FGL1: variants seen among roughly 807,000 people sequenced by gnomAD.
FGL1 encodes fibrinogen like 1.
A neutral mutation model predicts 43.7 loss-of-function variants in FGL1; 59 were observed. The ratio of observed to expected loss-of-function variants is 1.35; its 90% confidence interval spans 1.10 to 1.68. FGL1 has a LOEUF of 1.68. FGL1 is among the 40% of genes most tolerant of loss of function. The probability of loss-of-function intolerance (pLI) is 0.00; values close to 1 mark genes in which losing one functional copy is unlikely to be tolerated. For synonymous variants in FGL1, 192 were observed against 126.5 expected, an observed-to-expected ratio of 1.52 and a Z score of -3.48; for missense variants, 596 against 373.0, an observed-to-expected ratio of 1.60 and a Z score of -4.92.
At chr8:17,870,568 G>A (rs981646922) in intron 5 of FGL1, among the ~76,000 whole-genome samples, 1 of 152,120 alleles carries the variant, frequency 6.6e-6, no homozygotes. Flanking sequence ...CCCATCTCTG[G>A]TTGGCCTCTT....
At chr8:17,885,190 G>A (rs574704195) in intron 2 of FGL1, among the ~76,000 whole-genome samples, 1 of 152,052 alleles carries the variant, frequency 6.6e-6, no homozygotes, top group South Asian at 2.1e-4. Context: ...ACAGATGCGT[G>A]CCATCACGCC....
chr8:17,894,241 T>C (rs2053745698), intron 1 of FGL1, among the ~76,000 whole-genome samples: 1 of 146,888 alleles, frequency 6.8e-6, no homozygotes, highest in Admixed American at 6.7e-5. Flanking sequence ...ATAAAAGAAA[T>C]AAAAAGGAAG....
intron 3 of FGL1, among the ~76,000 whole-genome samples, chr8:17,875,114 C>T (rs997994188): frequency 6.6e-6 from 1 of 152,156 alleles, no homozygotes; most frequent in Non-Finnish European, 1.5e-5. Context: ...GTTATCCTGA[C>T]TTAGAGCATG....
At chr8:17,892,626 T>C (rs1012409487) in intron 1 of FGL1, among the ~76,000 whole-genome samples, 5 of 152,208 alleles carry the variant, frequency 3.3e-5, no homozygotes, top group African/African-American at 1.2e-4. Flanking sequence ...ATGTATTTAA[T>C]AGATTACTGA....
chr8:17,892,954 C>G (rs1173762715), intron 1 of FGL1, among the ~76,000 whole-genome samples: 1 of 152,104 alleles, frequency 6.6e-6, no homozygotes, highest in Non-Finnish European at 1.5e-5. Context: ...AATCCCAGCA[C>G]GTTGAGAGGC....
intron 1 of FGL1, chr8:17,895,099 T>C (rs926407701): frequency 5.1e-6 from 1 of 194,962 alleles, no homozygotes; most frequent in African/African-American, 2.4e-5. Flanking sequence ...CAATAAAGCA[T>C]TTCAAAATGT....
chr8:17,868,953 T>C lies in FGL1; in HGVS notation c.554A>G (p.Tyr185Cys), dbSNP rs1210995288. 1 of 1,607,092 alleles carries C rather than the reference T, an allele frequency of 6.2e-7. No individual in the cohort carries two copies. The highest frequency in any genetic ancestry group is 8.5e-7 in the Non-Finnish European group (1 of 1,177,930). The change falls in exon 6 of 8, where the codon TAT becomes TGT. Residue 185 changes from tyrosine to cysteine, a missense_variant. Physicochemically the swap from Tyr to Cys is radical, Grantham distance 194. Coordinates refer to ENST00000427924, the MANE Select transcript of FGL1 (RefSeq NM_004467.4). ...AACTTTGAAATTCTTATATTGTGCA[T>C]AACGGCTATTTTTTTCAAAATCTGC... is the stretch of plus-strand genomic sequence containing the variant. ...DLADFEKNSR[Y>C]AQYKNFKVGD...
Position 17,868,582 on chromosome 8 carries a change from C to A in FGL1, c.745G>T (p.Ala249Ser), listed in dbSNP as rs775263294. Reference sequence around the variant, plus strand: ...CACCAGCCAGACTGATCTTCTTCTGCGCAGTTCCCTTCATAGTTGTCATGA... The same window carrying A: ...CACCAGCCAGACTGATCTTCTTCTGAGCAGTTCCCTTCATAGTTGTCATGA... ...RDHDNYEGNC[A>S]EEDQSGWWFN... The change falls in exon 7 of 8, where the codon GCA becomes TCA. Residue 249 changes from alanine to serine, a missense_variant. By Grantham distance (99) the Ala-to-Ser change is moderately conservative. Coordinates refer to ENST00000427924, the MANE Select transcript of FGL1 (RefSeq NM_004467.4). 6.2e-7 allele frequency: 1 copy of A among 1,613,788 alleles called. No homozygotes were observed. Among genetic ancestry groups the A allele is most frequent in the South Asian group, 1.1e-5 (1 of 91,020 alleles).
chr8:17,882,882 A>T (rs1206218169), intron 2 of FGL1, among the ~76,000 whole-genome samples: 42 of 68,396 alleles, frequency 6.1e-4, no homozygotes, highest in African/African-American at 3.7e-3. Context: ...AATAATATAT[A>T]ATATATCTCA....
intron 3 of FGL1, among the ~76,000 whole-genome samples, chr8:17,880,343 G>C (rs36029873): frequency 0.018 from 2,720 of 152,312 alleles, 80 homozygotes; most frequent in African/African-American, 0.062. Context: ...GAGCCAGCCA[G>C]GTGCCCTGAA....
chr8:17,876,745 C>G (rs998894864), intron 3 of FGL1, among the ~76,000 whole-genome samples: 6 of 152,142 alleles, frequency 3.9e-5, no homozygotes, highest in African/African-American at 1.4e-4. Flanking sequence ...TCACAAGGAT[C>G]AAACTATTTT....
intron 1 of FGL1, chr8:17,891,792 T>G (rs1374150805): frequency 3.0e-6 from 3 of 983,998 alleles, no homozygotes; most frequent in Admixed American, 6.2e-5. Context: ...TTTATCAGAT[T>G]CCCTCCATCT....
chr8:17,873,989 C>A, intron 5 of FGL1, 30 bp downstream of exon 5: 3 of 1,476,014 alleles, frequency 2.0e-6, no homozygotes, highest in South Asian at 1.3e-5. Context: ...TATTATATTT[C>A]AAATAAATCT....
At chr8:17,879,895 T>C (rs2053509274) in intron 3 of FGL1, among the ~76,000 whole-genome samples, 1 of 152,132 alleles carries the variant, frequency 6.6e-6, no homozygotes, top group African/African-American at 2.4e-5. Context: ...TCTGTGCCAA[T>C]AACCTGCTCA....
At position 17,875,563 on chromosome 8, in the gene FGL1, T is replaced by C. The variant is rs1309461621; in HGVS notation, c.245-1042A>G. On this transcript the variant is annotated intron_variant, in intron 3 of 7. Transcript: ENST00000427924. ...TTTCTTTCTTTCTTTCTTTCTTTCT[T>C]TCTTTCTTTCTTTCTTTCTTTCTTT... Among the ~76,000 whole-genome samples, 161 of 21,054 alleles carry C rather than the reference T, an allele frequency of 7.6e-3. 21 individuals carry two copies. The highest frequency in any genetic ancestry group is 0.016 in the African/African-American group (148 of 9,234). 13.8% of individuals were successfully genotyped at this position (21,054 alleles called of 152,430 possible).
chr8:17,866,154 G>A (rs1360404100), intron 7 of FGL1, among the ~76,000 whole-genome samples: 1 of 152,172 alleles, frequency 6.6e-6, no homozygotes, highest in African/African-American at 2.4e-5. Flanking sequence ...AACTGACTCT[G>A]TGATGAACAT....
intron 3 of FGL1, among the ~76,000 whole-genome samples, chr8:17,877,618 A>T (rs1200366249): frequency 1.3e-5 from 2 of 152,196 alleles, no homozygotes; most frequent in African/African-American, 2.4e-5. Context: ...ATAAGGAAAA[A>T]AAAAAAAGGA....
At chr8:17,874,299 T>C in intron 4 of FGL1, 63 bp downstream of exon 4, 2 of 1,544,766 alleles carry the variant, frequency 1.3e-6, no homozygotes, top group East Asian at 4.5e-5. Context: ...ATGATCAAAA[T>C]ATTTGACTTA....
chr8:17,882,350 G>T (rs1240202183), intron 2 of FGL1, 171 bp from the exon 3 acceptor site: 2 of 554,038 alleles, frequency 3.6e-6, no homozygotes, highest in African/African-American at 1.9e-5. Flanking sequence ...ACTATTTGAA[G>T]AATTGGAAAT....
Sources: gnomAD v4.1 joint callset for allele counts (sites outside exome capture counted in the v4.1 genomes callset) on GRCh38, gnomAD v4.1.1 for gene constraint, MANE v1.5 for transcripts, NCBI Gene and HGNC (gene_info 2026-07-23, HGNC 2026-07-21) for gene names.